The following SHISAL2A variants were observed in gnomAD, a reference collection of about 807,000 sequenced individuals.
SHISAL2A encodes the protein shisa like 2A, also known as protein shisa-like-2A.
Under a neutral mutation model 11.5 loss-of-function variants are expected in SHISAL2A, and 18 were observed. The ratio of observed to expected loss-of-function variants is 1.57; its 90% confidence interval spans 1.08 to 2.33. The LOEUF is 2.33. Ranked by LOEUF, SHISAL2A falls within the 30% of genes most tolerant of loss-of-function variation. The probability of loss-of-function intolerance (pLI) is 0.00; values close to 1 mark genes in which losing one functional copy is unlikely to be tolerated. For synonymous variants in SHISAL2A, 94 were observed against 99.6 expected, an observed-to-expected ratio of 0.94 and a Z score of 0.34; for missense variants, 261 against 250.9, an observed-to-expected ratio of 1.04 and a Z score of -0.27.
In SHISAL2A at chr1:52,656,801, G is replaced by A; in HGVS notation, c.334G>A (p.Val112Ile). 2 of 1,609,958 alleles carry A rather than the reference G, an allele frequency of 1.2e-6. No individual in the cohort carries two copies. Among genetic ancestry groups the A allele is most frequent in the African/African-American group, 1.3e-5 (1 of 74,996 alleles). The change falls in exon 3 of 3, where the codon GTT (valine) becomes ATT (isoleucine). Residue 112 changes from valine to isoleucine, a missense_variant. By Grantham distance (29) the Val-to-Ile change is conservative. Transcript: ENST00000517870. ...TTGCTGTTTTCCAGGCCCTGAGGAG[G>A]TTTCTCCTGACTGCCAAGGTGTGAA... ...LSLQTAGPEE[V>I]SPDCQGVNTG...
intron 4 of SHISAL2A, among the ~76,000 whole-genome samples, chr1:52,664,264 C>T (rs1190293661): frequency 2.6e-5 from 4 of 151,466 alleles, no homozygotes; most frequent in African/African-American, 9.7e-5. Context: ...GATCTCCGCT[C>T]GCTGCAAGCT....
chr1:52,662,327 CTATTTTATTT>C (rs532105103), intron 4 of SHISAL2A, among the ~76,000 whole-genome samples: 5 of 151,742 alleles, frequency 3.3e-5, no homozygotes, highest in African/African-American at 4.8e-5. Context: ...TGTCAACTTT[CTATTTTATTT>C]TATTTTATTT....
At chr1:52,663,517 T>C (rs1691947153) in intron 4 of SHISAL2A, among the ~76,000 whole-genome samples, 1 of 152,146 alleles carries the variant, frequency 6.6e-6, no homozygotes, top group South Asian at 2.1e-4. Context: ...TCCCAGCACT[T>C]TGGGAGGCCA....
intron 2 of SHISAL2A, among the ~76,000 whole-genome samples, chr1:52,643,872 G>C (rs1309173322): frequency 1.4e-5 from 2 of 139,042 alleles, no homozygotes. Context: ...AAGAAAGAAA[G>C]AGAGAAAGAG....
intron 2 of SHISAL2A, among the ~76,000 whole-genome samples, chr1:52,654,818 G>C (rs779814404): frequency 5.3e-5 from 8 of 152,196 alleles, no homozygotes; most frequent in Non-Finnish European, 1.0e-4. Flanking sequence ...TTTTAATGCT[G>C]TGAAAGATCC....
intron 2 of SHISAL2A, among the ~76,000 whole-genome samples, chr1:52,652,922 C>T (rs1403160068): frequency 5.6e-5 from 7 of 125,200 alleles, no homozygotes; most frequent in Non-Finnish European, 9.5e-5. Flanking sequence ...ACAGAGATCG[C>T]GCCACTGCAC....
intron 2 of SHISAL2A, among the ~76,000 whole-genome samples, chr1:52,648,405 G>A (rs1691550848): frequency 6.6e-6 from 1 of 152,080 alleles, no homozygotes; most frequent in Non-Finnish European, 1.5e-5. Flanking sequence ...TGCTCTTTAT[G>A]GTAACTGGGT....
chr1:52,657,582 C>G (rs977403922), downstream of SHISAL2A, among the ~76,000 whole-genome samples: 2 of 152,056 alleles, frequency 1.3e-5, no homozygotes, highest in Non-Finnish European at 2.9e-5. Context: ...GGGCAGGGCG[C>G]GGCAGTTCAC....
chr1:52,647,290 A>G (rs991821384), intron 2 of SHISAL2A, among the ~76,000 whole-genome samples: 3 of 152,194 alleles, frequency 2.0e-5, no homozygotes, highest in African/African-American at 7.2e-5. Flanking sequence ...CAAAAATGTG[A>G]CCAGAGGCTC....
exon 6 of SHISAL2A, chr1:52,669,101 A>G (rs913877325): frequency 5.3e-5 from 8 of 152,276 alleles, no homozygotes; most frequent in African/African-American, 1.7e-4. Context: ...AGTGTAAAAT[A>G]AAACTGACAC....
At chr1:52,658,431 T>C (rs1416484611), downstream of SHISAL2A, among the ~76,000 whole-genome samples, 1 of 152,198 alleles carries the variant, frequency 6.6e-6, no homozygotes, top group Admixed American at 6.5e-5. Flanking sequence ...AACAGTAAAC[T>C]ATGTAATACT....
chr1:52,667,449 A>G, exon 5 of SHISAL2A: 1 of 964,192 alleles, frequency 1.0e-6, no homozygotes. Context: ...GTTCAAAGAG[A>G]TTGACTGCTG....
At chr1:52,648,697 G>A (rs978149787) in intron 2 of SHISAL2A, among the ~76,000 whole-genome samples, 5 of 152,204 alleles carry the variant, frequency 3.3e-5, no homozygotes, top group African/African-American at 1.2e-4. Context: ...TTTGCACAAG[G>A]GTCATACATA....
At chr1:52,662,820 CTCAG>C (rs1691934170) in intron 4 of SHISAL2A, among the ~76,000 whole-genome samples, 1 of 152,272 alleles carries the variant, frequency 6.6e-6, no homozygotes, top group Admixed American at 6.5e-5. Flanking sequence ...AATTCCTGCC[CTCAG>C]GGAATTCTCA....
rs116036618 is a variant in SHISAL2A at position 52,650,095 on chromosome 1, C to T, written c.323-6695C>T. Among the ~76,000 whole-genome samples, 1,126 of 152,326 alleles carry T rather than the reference C, an allele frequency of 7.4e-3. 23 individuals are homozygous for T. The highest frequency in any genetic ancestry group is 0.025 in the African/African-American group (1,060 of 41,570). On this transcript the variant is annotated intron_variant, in intron 2 of 2. Transcript: ENST00000517870. Reference sequence around the variant, plus strand: ...CAGAATGACTTTCATCAGCCCCTCCCACCTTCCACAGAAGGCTCAGTCATG... The same window carrying T: ...CAGAATGACTTTCATCAGCCCCTCCTACCTTCCACAGAAGGCTCAGTCATG...
chr1:52,643,810 G>A (rs757264750), intron 2 of SHISAL2A, among the ~76,000 whole-genome samples: 15 of 151,088 alleles, frequency 9.9e-5, no homozygotes, highest in Admixed American at 2.0e-4. Context: ...CCGAGATGGC[G>A]CCATTGCACT....
downstream of SHISAL2A, among the ~76,000 whole-genome samples, chr1:52,657,470 C>T (rs1013932385): frequency 1.3e-5 from 2 of 152,124 alleles, no homozygotes; most frequent in African/African-American, 4.8e-5. Context: ...AAGCCCCTTG[C>T]AGAGGGACGG....
At chr1:52,658,297 C>T (rs1301624464), downstream of SHISAL2A, among the ~76,000 whole-genome samples, 1 of 152,200 alleles carries the variant, frequency 6.6e-6, no homozygotes, top group East Asian at 1.9e-4. Flanking sequence ...GCCTTGGCCT[C>T]CCAAAGTGCT....
rs371032197 is a variant in SHISAL2A at position 52,633,635 on chromosome 1, A to T, written c.142A>T (p.Ser48Cys). Residue 48 changes from serine to cysteine, a missense_variant, in exon 1 of 3, where the codon AGC (serine) becomes TGC (cysteine). Ser to Cys is a moderately radical substitution (Grantham distance 112). Transcript: ENST00000517870. This position sits in a 1 kb window ranked among gnomAD's most constrained non-coding sequence, Gnocchi z 6.4. ...CAAGTACTGCTGCGACGACCCGCAC[A>T]GCTTCTTCCCCTACGAGCACAGCTA... ...DHKYCCDDPH[S>C]FFPYEHSYMW... The T allele has an allele frequency of 6.2e-7, 1 of 1,613,050 alleles. No homozygotes were observed. Among genetic ancestry groups the T allele is most frequent in the East Asian group, 2.2e-5 (1 of 44,748 alleles).
Sources: allele counts gnomAD v4.1 joint callset (sites outside exome capture counted in the v4.1 genomes callset), GRCh38; gene constraint gnomAD v4.1.1; non-coding constraint Gnocchi (gnomAD v3.1); transcripts MANE v1.5; gene names NCBI Gene and HGNC (gene_info 2026-07-23, HGNC 2026-07-21).